PIWIL4: variants seen among roughly 807,000 people sequenced by gnomAD.
The protein encoded by PIWIL4 is piwi-like protein 4.
Under a neutral mutation model 100.9 loss-of-function variants are expected in PIWIL4, and 50 were observed. The ratio of observed to expected loss-of-function variants is 0.50; its 90% CI spans 0.39 to 0.63. PIWIL4 has a LOEUF of 0.63. Ranked by LOEUF, PIWIL4 falls within the 20% of genes least tolerant of loss-of-function variation. The probability of loss-of-function intolerance (pLI) is 0.00; values close to 1 mark genes in which losing one functional copy is unlikely to be tolerated. For synonymous variants in PIWIL4, 342 were observed against 367.5 expected (o/e 0.93, Z 0.79); for missense variants, 887 against 1,043.3 (o/e 0.85, Z 2.06).
chr11:94,578,055 A>G (rs1477474319), intron 4 of PIWIL4, among the ~76,000 whole-genome samples: 1 of 152,166 alleles, frequency 6.6e-6, no homozygotes, highest in Non-Finnish European at 1.5e-5. Context: ...CCAGAAAGTC[A>G]ACAAGCAGAA....
At chr11:94,580,312 G>C (rs1304760591) in intron 4 of PIWIL4, among the ~76,000 whole-genome samples, 1 of 152,162 alleles carries the variant, frequency 6.6e-6, no homozygotes, top group Non-Finnish European at 1.5e-5. Context: ...TCTTGGTATT[G>C]ACTGAGGCTT....
chr11:94,587,033 C>CTTTTTTT lies in PIWIL4; in HGVS notation c.717-11_717-10insTTTTTTT. On this transcript the variant is annotated splice_polypyrimidine_tract_variant and intron_variant, in intron 6 of 19. Coordinates refer to ENST00000299001, the MANE Select transcript of PIWIL4 (RefSeq NM_152431.3). The stretch of plus-strand genomic sequence containing the variant: ...TAACATTGACAATATTCCTTTTTTT[C>CTTTTTTT]TTTTTTGTTTTTAAAGATTATCCCT... The CTTTTTTT allele has an allele frequency of 6.4e-7, 1 of 1,572,722 alleles. No homozygotes were observed. The highest frequency in any genetic ancestry group is 1.8e-5 in the Admixed American group (1 of 56,982).
intron 2 of PIWIL4, among the ~76,000 whole-genome samples, chr11:94,572,526 C>A (rs1465853281): frequency 1.3e-5 from 2 of 152,178 alleles, no homozygotes; most frequent in Admixed American, 6.5e-5. Context: ...GTTTTCCCAG[C>A]ACCACTTATT....
intron 3 of PIWIL4, among the ~76,000 whole-genome samples, chr11:94,575,513 A>G (rs1004348257): frequency 1.3e-5 from 2 of 152,218 alleles, no homozygotes; most frequent in African/African-American, 4.8e-5. Context: ...ATAAAATTGC[A>G]TGCAAATTGT....
intron 2 of PIWIL4, among the ~76,000 whole-genome samples, chr11:94,571,313 T>A (rs1016948338): frequency 1.2e-4 from 18 of 152,212 alleles, no homozygotes; most frequent in Admixed American, 2.6e-4. Context: ...TACTTTAAGT[T>A]CAAGGGTACA....
chr11:94,608,712 T>C (rs1948753991), intron 15 of PIWIL4, 26 bp downstream of exon 15: 3 of 1,567,490 alleles, frequency 1.9e-6, no homozygotes, highest in East Asian at 2.2e-5. Context: ...CCTGAACACA[T>C]GCTTCATTTA....
intron 14 of PIWIL4, among the ~76,000 whole-genome samples, chr11:94,607,849 A>G (rs1337027555): frequency 1.3e-5 from 2 of 152,218 alleles, no homozygotes; most frequent in Non-Finnish European, 2.9e-5. Context: ...CTAACTCAGC[A>G]TAGGGACCTG....
In PIWIL4 at chr11:94,574,501, G is replaced by T. The variant is rs12282532; in HGVS notation, c.167-498G>T. Among the ~76,000 whole-genome samples, 415 of 152,282 alleles carry T rather than the reference G, an allele frequency of 2.7e-3. 3 individuals carry two copies. The highest frequency in any genetic ancestry group is 8.7e-3 in the African/African-American group (360 of 41,560). On this transcript the variant is annotated intron_variant, in intron 2 of 19. Coordinates refer to ENST00000299001, the MANE Select transcript of PIWIL4 (RefSeq NM_152431.3). ...ATTACAAGGGCAAGAACTAACTCAA[G>T]ATCTGTTTTTGTTTTTGTGAGACAG...
chr11:94,584,639 A>C (rs1276202233), intron 5 of PIWIL4, among the ~76,000 whole-genome samples: 2 of 152,196 alleles, frequency 1.3e-5, no homozygotes, highest in Admixed American at 1.3e-4. Flanking sequence ...GGCAGCCAAA[A>C]TCACAGTTGA....
chr11:94,589,755 A>G (rs1346793057), intron 8 of PIWIL4, among the ~76,000 whole-genome samples: 1 of 152,082 alleles, frequency 6.6e-6, no homozygotes, highest in African/African-American at 2.4e-5. Flanking sequence ...TCAGCCATCA[A>G]GTCTCAAGGG....
At chr11:94,589,678 C>T (rs79879337) in intron 8 of PIWIL4, among the ~76,000 whole-genome samples, 5,945 of 152,152 alleles carry the variant, frequency 0.039, 170 homozygotes, top group Middle Eastern at 0.095. Context: ...CATTTTCACA[C>T]GTTGCTTCTT....
chr11:94,569,929 A>C (rs895692933), intron 2 of PIWIL4, among the ~76,000 whole-genome samples: 1 of 152,178 alleles, frequency 6.6e-6, no homozygotes, highest in Admixed American at 6.5e-5. Flanking sequence ...ATGTAACAAA[A>C]CTATGCTCTT....
At chr11:94,594,772 T>C (rs554333078) in intron 9 of PIWIL4, among the ~76,000 whole-genome samples, 1 of 152,196 alleles carries the variant, frequency 6.6e-6, no homozygotes, top group African/African-American at 2.4e-5. Context: ...CCTCAGGTGA[T>C]CCACCCGCCT....
chr11:94,588,633 C>CT (rs1948438041), intron 7 of PIWIL4, among the ~76,000 whole-genome samples: 1 of 152,146 alleles, frequency 6.6e-6, no homozygotes. Flanking sequence ...CTTAGCTAAC[C>CT]TGTTTTGTAG....
chr11:94,602,188 C>G (rs926174574), intron 12 of PIWIL4, among the ~76,000 whole-genome samples: 4 of 152,118 alleles, frequency 2.6e-5, no homozygotes, highest in Admixed American at 2.6e-4. Flanking sequence ...AAAACTTGTA[C>G]CCAGTTCTTA....
At chr11:94,607,375 T>TAA in intron 13 of PIWIL4, 64 bp from the exon 14 acceptor site, 2 of 1,459,082 alleles carry the variant, frequency 1.4e-6, no homozygotes, top group Non-Finnish European at 9.5e-7. Flanking sequence ...TTCATTTCTT[T>TAA]AAAAAGCAAC....
At chr11:94,606,562 G>T (rs1321178050) in intron 13 of PIWIL4, among the ~76,000 whole-genome samples, 1 of 152,176 alleles carries the variant, frequency 6.6e-6, no homozygotes, top group Non-Finnish European at 1.5e-5. Flanking sequence ...AGGGGCGGTG[G>T]CTCACGCCTG....
intron 8 of PIWIL4, among the ~76,000 whole-genome samples, chr11:94,590,405 T>A (rs117705784): frequency 0.014 from 2,154 of 152,300 alleles, 24 homozygotes; most frequent in Non-Finnish European, 0.022. Context: ...CTTAGTCTCC[T>A]TTGACGTTTT....
intron 9 of PIWIL4, 24 bp downstream of exon 9, chr11:94,593,665 T>C (rs1948516862): frequency 6.2e-7 from 1 of 1,611,560 alleles, no homozygotes; most frequent in African/African-American, 1.3e-5. Context: ...TTTATACCTC[T>C]GTCAGGCTCC....
Sources: allele counts gnomAD v4.1 joint callset (sites outside exome capture counted in the v4.1 genomes callset), GRCh38; gene constraint gnomAD v4.1.1; transcripts MANE v1.5; gene names NCBI Gene and HGNC (gene_info 2026-07-23, HGNC 2026-07-21).